Variants in DLGAP2 observed in about 807,000 individuals in gnomAD.
DLGAP2 encodes DLG associated protein 2.
In DLGAP2, 26 loss-of-function variants were observed where a neutral mutation model predicts 100.3. The ratio of observed to expected loss-of-function variants is 0.26; its 90% CI spans 0.19 to 0.36. The LOEUF is 0.36. Ranked by LOEUF, DLGAP2 falls within the 10% of genes least tolerant of loss-of-function variation. The probability of loss-of-function intolerance (pLI) is 1.00; values close to 1 mark genes in which losing one functional copy is unlikely to be tolerated. For synonymous variants in DLGAP2, 886 were observed against 630.1 expected (o/e 1.41, Z -6.08); for missense variants, 1,858 against 1,453.2 (o/e 1.28, Z -4.53).
chr8:1,335,482 G>A (rs929577703), intron 3 of DLGAP2, among the ~76,000 whole-genome samples: 1 of 152,198 alleles, frequency 6.6e-6, no homozygotes, highest in Admixed American at 6.5e-5. Flanking sequence ...CTGGAGGAAT[G>A]GGTAATAATC....
intron 4 of DLGAP2, among the ~76,000 whole-genome samples, chr8:1,513,800 A>G (rs1174048577): frequency 6.6e-6 from 1 of 152,206 alleles, no homozygotes; most frequent in Admixed American, 6.5e-5. Context: ...AGTTTCACCC[A>G]TGGTCACGTT....
At chr8:1,261,590 G>C in intron 3 of DLGAP2, among the ~76,000 whole-genome samples, 1 of 151,930 alleles carries the variant, frequency 6.6e-6, no homozygotes, top group Non-Finnish European at 1.5e-5. Context: ...TGGGGGGTGG[G>C]GCTCCCTGCT....
intron 8 of DLGAP2, 76 bp downstream of exon 8, chr8:1,633,122 A>G (rs1398146969): frequency 2.2e-6 from 3 of 1,382,726 alleles, no homozygotes; most frequent in Non-Finnish European, 3.1e-6. Flanking sequence ...AGGAGCGAGC[A>G]GCACACAGCA....
At chr8:1,463,401 A>G (rs1274737421) in intron 3 of DLGAP2, among the ~76,000 whole-genome samples, 2 of 152,224 alleles carry the variant, frequency 1.3e-5, no homozygotes, top group Non-Finnish European at 2.9e-5. Context: ...AGCCACTCAG[A>G]GAGAACCCAG....
At chr8:1,158,300 C>T (rs548377451) in intron 2 of DLGAP2, among the ~76,000 whole-genome samples, 7 of 152,268 alleles carry the variant, frequency 4.6e-5, no homozygotes, top group Middle Eastern at 3.4e-3. Flanking sequence ...AAGCAGCAGA[C>T]GTCATTATGT....
intron 1 of DLGAP2, among the ~76,000 whole-genome samples, chr8:837,183 C>G (rs892764164): frequency 6.6e-6 from 1 of 152,210 alleles, no homozygotes; most frequent in African/African-American, 2.4e-5. Context: ...AGCGGATGCG[C>G]TCAGGCCTCG....
At chr8:1,602,118 G>C (rs1002307132) in intron 6 of DLGAP2, among the ~76,000 whole-genome samples, 1 of 152,158 alleles carries the variant, frequency 6.6e-6, no homozygotes, top group Non-Finnish European at 1.5e-5. Flanking sequence ...ATATGTGAAT[G>C]AGAGAGTGAG....
intron 3 of DLGAP2, among the ~76,000 whole-genome samples, chr8:1,338,643 A>AGTTTTTGGTTTG (rs1801344477): frequency 6.6e-6 from 1 of 152,220 alleles, no homozygotes; most frequent in African/African-American, 2.4e-5. Flanking sequence ...TTATGTCTTT[A>AGTTTTTGGTTTG]TTTTAAAAAT....
chr8:1,133,931 T>C (rs1489694507), intron 2 of DLGAP2, among the ~76,000 whole-genome samples: 1 of 152,078 alleles, frequency 6.6e-6, no homozygotes, highest in Admixed American at 6.6e-5. Context: ...GTGATACAAA[T>C]TGTTTCCTTA....
At chr8:984,634 G>T (rs62486458) in intron 2 of DLGAP2, among the ~76,000 whole-genome samples, 3,394 of 152,316 alleles carry the variant, frequency 0.022, 56 homozygotes, top group Middle Eastern at 0.051. Context: ...AAGAACAGCG[G>T]TGTAAAGAGC....
intron 1 of DLGAP2, among the ~76,000 whole-genome samples, chr8:832,670 C>G (rs1423066020): frequency 6.6e-6 from 1 of 152,202 alleles, no homozygotes; most frequent in Non-Finnish European, 1.5e-5. Context: ...TTGATAAACA[C>G]TTATGTTAAA....
At chr8:840,052 G>T (rs1796953719) in intron 1 of DLGAP2, among the ~76,000 whole-genome samples, 1 of 65,670 alleles carries the variant, frequency 1.5e-5, no homozygotes, top group African/African-American at 6.8e-5. Flanking sequence ...GTGCACGCCT[G>T]CACGTCTCCC....
intron 2 of DLGAP2, among the ~76,000 whole-genome samples, chr8:1,257,101 G>A (rs931109439): frequency 2.0e-5 from 3 of 151,948 alleles, no homozygotes; most frequent in Non-Finnish European, 4.4e-5. Flanking sequence ...TGTCCACCCC[G>A]AGGCGTGTGG....
intron 6 of DLGAP2, among the ~76,000 whole-genome samples, chr8:1,579,131 T>C (rs1803118532): frequency 6.6e-6 from 1 of 152,248 alleles, no homozygotes; most frequent in Admixed American, 6.5e-5. Flanking sequence ...TTGCTTTTTT[T>C]TCTGCTTAGT....
chr8:1,632,761 G>A (rs1029814272), intron 7 of DLGAP2, 66 bp from the exon 8 acceptor site: 5 of 1,498,482 alleles, frequency 3.3e-6, no homozygotes, highest in Non-Finnish European at 4.5e-6. Flanking sequence ...CGCTCTCCTG[G>A]CTTTTCTGTA....
chr8:1,641,302 G>A (rs1166600504), intron 8 of DLGAP2, among the ~76,000 whole-genome samples: 1 of 152,152 alleles, frequency 6.6e-6, no homozygotes, highest in Non-Finnish European at 1.5e-5. Context: ...GAACAAATGT[G>A]TTCATAAAGA....
intron 2 of DLGAP2, among the ~76,000 whole-genome samples, chr8:1,174,016 T>A (rs1797194529): frequency 6.6e-6 from 1 of 152,118 alleles, no homozygotes; most frequent in Non-Finnish European, 1.5e-5. Context: ...TATTTGGCCA[T>A]CTTGGCTCCT....
At chr8:1,201,567 G>C (rs1336385973) in intron 2 of DLGAP2, among the ~76,000 whole-genome samples, 1 of 152,224 alleles carries the variant, frequency 6.6e-6, no homozygotes, top group Non-Finnish European at 1.5e-5. Flanking sequence ...GATCGCTTTA[G>C]ACACCCAGTG....
At chr8:878,924 T>A (rs1797733071) in intron 1 of DLGAP2, among the ~76,000 whole-genome samples, 2 of 152,154 alleles carry the variant, frequency 1.3e-5, no homozygotes, top group African/African-American at 4.8e-5. Flanking sequence ...TTACCCTGCC[T>A]CAGATACTGT....
Sources: gnomAD v4.1 joint callset for allele counts (sites outside exome capture counted in the v4.1 genomes callset) on GRCh38, gnomAD v4.1.1 for gene constraint, MANE v1.5 for transcripts, NCBI Gene and HGNC (gene_info 2026-07-23, HGNC 2026-07-21) for gene names.